The following SPECC1 variants were observed in gnomAD, a reference collection of about 807,000 sequenced individuals.
SPECC1 encodes sperm antigen with calponin homology and coiled-coil domains 1.
Under a neutral mutation model 104.1 loss-of-function variants are expected in SPECC1, and 62 were observed. That is an observed-to-expected ratio of 0.60 (90% confidence interval 0.49 to 0.74). SPECC1 has a LOEUF of 0.74. Among genes scored for constraint, SPECC1 ranks in the 30% least tolerant of loss-of-function variants. The pLI is 0.00. For synonymous variants in SPECC1, 513 were observed against 501.6 expected (o/e 1.02, Z -0.30); for missense variants, 1,306 against 1,310.5 (o/e 1.00, Z 0.05).
At chr17:20,313,427 CTG>C (rs1054433030) in intron 14 of SPECC1, among the ~76,000 whole-genome samples, 1 of 152,354 alleles carries the variant, frequency 6.6e-6, no homozygotes, top group African/African-American at 2.4e-5. Context: ...ATTGCAGAGT[CTG>C]TGGTGGTCAC....
At chr17:20,296,859 C>A (rs1567615467) in intron 12 of SPECC1, 102 bp from the exon 13 acceptor site, 1 of 1,088,110 alleles carries the variant, frequency 9.2e-7, no homozygotes, top group Non-Finnish European at 1.4e-6. Flanking sequence ...GATTTTTGCA[C>A]ATTGATTTTG....
chr17:20,206,133 G>A (rs1164526622), intron 4 of SPECC1, among the ~76,000 whole-genome samples: 1 of 152,192 alleles, frequency 6.6e-6, no homozygotes, highest in African/African-American at 2.4e-5. Flanking sequence ...CAAAATGTGG[G>A]GATGTAGAGT....
At chr17:20,058,075 C>G (rs1315583498) in intron 1 of SPECC1, among the ~76,000 whole-genome samples, 1 of 152,080 alleles carries the variant, frequency 6.6e-6, no homozygotes, top group Non-Finnish European at 1.5e-5. Context: ...GGTTAAGATT[C>G]AGGCTGTTCC....
At chr17:20,262,871 A>C (rs955974738) in intron 12 of SPECC1, among the ~76,000 whole-genome samples, 1 of 152,078 alleles carries the variant, frequency 6.6e-6, no homozygotes. Flanking sequence ...TTTTCACTTT[A>C]TGTTAAAAAA....
At chr17:20,050,155 A>G (rs1222070912) in intron 1 of SPECC1, among the ~76,000 whole-genome samples, 1 of 152,180 alleles carries the variant, frequency 6.6e-6, no homozygotes, top group Non-Finnish European at 1.5e-5. Flanking sequence ...CCTCACCAAC[A>G]TGGCACATGT....
At chr17:20,109,065 T>A (rs931126159) in intron 2 of SPECC1, among the ~76,000 whole-genome samples, 6 of 152,232 alleles carry the variant, frequency 3.9e-5, no homozygotes, top group Non-Finnish European at 8.8e-5. Flanking sequence ...CTTCACAGCC[T>A]CACCAACACT....
At chr17:20,083,023 T>C (rs2047044198) in intron 1 of SPECC1, among the ~76,000 whole-genome samples, 1 of 151,892 alleles carries the variant, frequency 6.6e-6, no homozygotes, top group Admixed American at 6.6e-5. Context: ...CATCTAAAAA[T>C]AGTACTAAGA....
intron 1 of SPECC1, chr17:20,018,001 C>T (rs2044215747): frequency 6.6e-6 from 1 of 152,496 alleles, no homozygotes; most frequent in Non-Finnish European, 1.5e-5. Context: ...AGCGTGCCTC[C>T]TGTGATTGTT....
At position 20,247,271 on chromosome 17, in the gene SPECC1, TG is replaced by T. The variant is rs1467811581; in HGVS notation, c.2553del (p.Ile852TyrfsTer3). On this transcript the variant is annotated frameshift_variant, in exon 9 of 15. Coordinates refer to ENST00000395527, the MANE Select transcript of SPECC1 (RefSeq NM_001243439.2). LOFTEE classifies it high-confidence loss of function. Reference protein sequence around the residue: ...VHKTPRSPLSGIPVRTAPAAA... With the variant: ...VHKTPRSPLSXIPVRTAPAAA... ...ATAAGACCCCCAGAAGTCCCCTAAG[TG>T]GGATACCAGTGAGGACTGCTCCAGC... 6.2e-7 allele frequency: 1 copy of T among 1,613,880 alleles called. No homozygotes were observed. The highest frequency in any genetic ancestry group is 8.5e-7 in the Non-Finnish European group (1 of 1,179,910).
intron 1 of SPECC1, among the ~76,000 whole-genome samples, chr17:20,095,227 A>T (rs2047588136): frequency 6.6e-6 from 1 of 152,230 alleles, no homozygotes; most frequent in Admixed American, 6.5e-5. Context: ...AAAATACATG[A>T]TAATTAACTT....
chr17:20,310,375 A>G (rs1285800239), intron 14 of SPECC1, among the ~76,000 whole-genome samples: 1 of 152,118 alleles, frequency 6.6e-6, no homozygotes, highest in Non-Finnish European at 1.5e-5. Context: ...CCTTTTCTCC[A>G]CAGCCTTGTC....
rs778230417 is a variant in SPECC1 at position 20,204,788 on chromosome 17, A to G, written c.739A>G (p.Asn247Asp). 4.3e-6 allele frequency: 7 copies of G among 1,613,976 alleles called. No homozygotes were observed. In the South Asian group the frequency reaches 7.7e-5, roughly 18 times the overall value. Residue 247 changes from asparagine (N) to aspartate (D), a missense_variant, in exon 4 of 15, where the codon AAC becomes GAC. Transcript: ENST00000395527. ...AGAGCTTTCCGATCTAGAGGAAGAA[A>G]ACCGGGTCCTGAAGGAGAAACTGAT... is the stretch of plus-strand genomic sequence containing the variant. ...QKELSDLEEE[N>D]RVLKEKLIYL...
chr17:20,046,813 G>A (rs1264376440), intron 1 of SPECC1, among the ~76,000 whole-genome samples: 1 of 149,830 alleles, frequency 6.7e-6, no homozygotes, highest in African/African-American at 2.5e-5. Context: ...CAGTGAGGAG[G>A]CCAGGGCTGC....
chr17:20,020,791 A>T (rs901606675), intron 1 of SPECC1, among the ~76,000 whole-genome samples: 1 of 152,058 alleles, frequency 6.6e-6, no homozygotes. Context: ...TCCCACTCTC[A>T]TTCTCTTCTC....
At chr17:20,167,075 T>G (rs557967514) in intron 3 of SPECC1, among the ~76,000 whole-genome samples, 2 of 150,814 alleles carry the variant, frequency 1.3e-5, no homozygotes, top group East Asian at 3.9e-4. Flanking sequence ...TTAGTTAGAC[T>G]CATCAAGAAA....
chr17:20,222,731 T>C (rs2037960807), intron 4 of SPECC1, among the ~76,000 whole-genome samples: 1 of 152,238 alleles, frequency 6.6e-6, no homozygotes, highest in Non-Finnish European at 1.5e-5. Flanking sequence ...TTCAGATGAT[T>C]TCTTTTTGTT....
At chr17:20,059,791 G>A (rs2046115552) in intron 1 of SPECC1, among the ~76,000 whole-genome samples, 1 of 152,206 alleles carries the variant, frequency 6.6e-6, no homozygotes, top group South Asian at 2.1e-4. Flanking sequence ...GAGCCCAGGA[G>A]TTTCAGGTTG....
chr17:20,288,771 C>CTTTTTTTTT (rs60578647), intron 12 of SPECC1, among the ~76,000 whole-genome samples: 3 of 73,708 alleles, frequency 4.1e-5, no homozygotes, highest in Non-Finnish European at 7.0e-5. Flanking sequence ...AAGGGCACTT[C>CTTTTTTTTT]TTTTTTTTTT....
chr17:20,249,185 C>T (rs942494409), intron 9 of SPECC1, among the ~76,000 whole-genome samples: 20 of 152,028 alleles, frequency 1.3e-4, no homozygotes, highest in African/African-American at 4.1e-4. Context: ...TTTGGGAGGC[C>T]GAAGCAGGCA....
Sources: allele counts gnomAD v4.1 joint callset (sites outside exome capture counted in the v4.1 genomes callset), GRCh38; gene constraint gnomAD v4.1.1; transcripts MANE v1.5; gene names NCBI Gene and HGNC (gene_info 2026-07-23, HGNC 2026-07-21).